PLA2G5: variants seen among roughly 807,000 people sequenced by gnomAD.
PLA2G5 encodes phospholipase A2 group V.
A neutral mutation model predicts 15.9 loss-of-function variants in PLA2G5; 12 were observed. That is an observed-to-expected ratio of 0.76 (90% CI 0.48 to 1.23). PLA2G5 has a LOEUF of 1.23. Among genes scored for constraint, PLA2G5 ranks in the 50% most tolerant of loss-of-function variants. The pLI, the probability that PLA2G5 is intolerant of heterozygous loss-of-function variation, is 0.00. For synonymous variants in PLA2G5, 71 were observed against 71.4 expected (o/e 0.99, Z 0.03); for missense variants, 169 against 177.1 (o/e 0.95, Z 0.26).
intron 1 of PLA2G5, among the ~76,000 whole-genome samples, chr1:20,078,583 C>CGGTG (rs1182418346): frequency 6.6e-6 from 1 of 152,178 alleles, no homozygotes; most frequent in Non-Finnish European, 1.5e-5. Flanking sequence ...TGTGAAGGCA[C>CGGTG]AAGTTCTGTC....
chr1:20,088,828 CT>C (rs1406667419), intron 3 of PLA2G5: 3 of 152,364 alleles, frequency 2.0e-5, no homozygotes, highest in Non-Finnish European at 4.4e-5. Flanking sequence ...GAGACAGGGT[CT>C]CACTCTGGTT....
chr1:20,055,987 T>C (rs2014411843), intron 1 of PLA2G5, among the ~76,000 whole-genome samples: 5 of 152,170 alleles, frequency 3.3e-5, no homozygotes, highest in Admixed American at 3.3e-4. Flanking sequence ...TGGGTAAGTA[T>C]TTTCTGCATC....
At chr1:20,045,463 G>T (rs2013852362) in intron 1 of PLA2G5, among the ~76,000 whole-genome samples, 2 of 152,128 alleles carry the variant, frequency 1.3e-5, no homozygotes, top group Admixed American at 1.3e-4. Flanking sequence ...GTTCGTGACT[G>T]GCACTGGAGT....
chr1:20,046,968 A>T (rs2100379357), intron 1 of PLA2G5, among the ~76,000 whole-genome samples: 1 of 152,304 alleles, frequency 6.6e-6, no homozygotes, highest in East Asian at 1.9e-4. Flanking sequence ...TGTTGTTTTC[A>T]TAGGTAAATG....
chr1:20,083,441 A>G lies in PLA2G5; in HGVS notation c.-10-1380A>G, dbSNP rs994775898. On this transcript the variant is annotated intron_variant, in intron 1 of 4. Transcript: ENST00000375108. ...CGACCGTTCAACTCAGGGACTTGAG[A>G]CAACAGAGCACTGAAGGGGAGAGCC... 1.8e-4 allele frequency among the ~76,000 whole-genome samples: 28 copies of G among 151,802 alleles called. 1 individual carries two copies. The highest frequency in any genetic ancestry group is 6.8e-4 in the African/African-American group (28 of 41,122).
chr1:20,040,905 CT>C (rs1465575615), intron 1 of PLA2G5, among the ~76,000 whole-genome samples: 1 of 152,170 alleles, frequency 6.6e-6, no homozygotes, highest in Non-Finnish European at 1.5e-5. Context: ...TGGAAGCCCC[CT>C]ACCCGCTTCA....
chr1:20,033,165 G>A (rs1396823112), intron 1 of PLA2G5, among the ~76,000 whole-genome samples: 2 of 152,178 alleles, frequency 1.3e-5, no homozygotes, highest in Non-Finnish European at 2.9e-5. Context: ...AGGTAGTATG[G>A]GGCTGGAGAG....
At chr1:20,040,421 C>T (rs191475650) in intron 1 of PLA2G5, among the ~76,000 whole-genome samples, 2 of 152,248 alleles carry the variant, frequency 1.3e-5, no homozygotes, top group East Asian at 1.9e-4. Flanking sequence ...CCAAATTTAT[C>T]TTCTGTCTTT....
intron 1 of PLA2G5, among the ~76,000 whole-genome samples, chr1:20,029,747 C>T (rs574499548): frequency 6.6e-6 from 1 of 152,244 alleles, no homozygotes; most frequent in African/African-American, 2.4e-5. Context: ...TATAGTTAGT[C>T]TGGTGTGTGC....
rs867697827 is a variant in PLA2G5 at position 20,070,413 on chromosome 1, A to G, written c.-63A>G. ...CGGGTCTCCAGGGTCTGCCCAAGGA[A>G]GTTGCTCATGGGAGCAGACCTCTAG... On this transcript the variant is annotated 5_prime_UTR_variant, in exon 1 of 5. Coordinates refer to ENST00000375108, the MANE Select transcript of PLA2G5 (RefSeq NM_000929.3). 1 of 985,410 alleles carries G rather than the reference A, an allele frequency of 1.0e-6. No individual in the cohort carries two copies. 61.0% of individuals were successfully genotyped at this position (985,410 alleles called of 1,614,324 possible). A position where few individuals can be genotyped will look rare whatever the true frequency, so the allele number is the denominator to read the frequency against.
chr1:20,040,197 A>G (rs1166633609), intron 1 of PLA2G5, among the ~76,000 whole-genome samples: 1 of 152,182 alleles, frequency 6.6e-6, no homozygotes, highest in African/African-American at 2.4e-5. Context: ...GTAAAGCTAT[A>G]CTATATGTCC....
chr1:20,088,127 A>G (rs1475757570), intron 3 of PLA2G5, among the ~76,000 whole-genome samples: 1 of 150,424 alleles, frequency 6.6e-6, no homozygotes, highest in Non-Finnish European at 1.5e-5. Flanking sequence ...GGAGGCCAAG[A>G]CAGGTGGATG....
intron 1 of PLA2G5, among the ~76,000 whole-genome samples, chr1:20,078,265 G>A (rs549086867): frequency 6.6e-6 from 1 of 152,320 alleles, no homozygotes; most frequent in South Asian, 2.1e-4. Flanking sequence ...GGCAGTGAAG[G>A]GTTCAGAGTG....
chr1:20,037,779 T>C (rs966464427), intron 1 of PLA2G5, among the ~76,000 whole-genome samples: 1 of 151,816 alleles, frequency 6.6e-6, no homozygotes, highest in African/African-American at 2.4e-5. Flanking sequence ...AGTATTCAGG[T>C]TTTTCAGGCA....
chr1:20,070,712 G>C (rs1384922930), intron 1 of PLA2G5: 1 of 152,828 alleles, frequency 6.5e-6, no homozygotes, highest in East Asian at 1.9e-4. Flanking sequence ...GTTACCGGAA[G>C]GTCATACCTA....
intron 1 of PLA2G5, among the ~76,000 whole-genome samples, chr1:20,038,576 G>A (rs1276593484): frequency 1.3e-5 from 2 of 152,116 alleles, no homozygotes; most frequent in Admixed American, 6.5e-5. Flanking sequence ...GATTGCTTGA[G>A]TCCAGGAGTT....
chr1:20,077,739 A>AT (rs536633800), intron 1 of PLA2G5, among the ~76,000 whole-genome samples: 122 of 152,310 alleles, frequency 8.0e-4, no homozygotes, highest in African/African-American at 2.8e-3. Flanking sequence ...CAAAGAGGAG[A>AT]AAAAGCTGGT....
At chr1:20,052,041 C>T (rs2014201479) in intron 1 of PLA2G5, among the ~76,000 whole-genome samples, 1 of 152,134 alleles carries the variant, frequency 6.6e-6, no homozygotes, top group Non-Finnish European at 1.5e-5. Flanking sequence ...TGCTGCTGCA[C>T]TGTGTACAAA....
At chr1:20,037,755 A>T (rs889966352) in intron 1 of PLA2G5, among the ~76,000 whole-genome samples, 1 of 152,168 alleles carries the variant, frequency 6.6e-6, no homozygotes, top group African/African-American at 2.4e-5. Flanking sequence ...GTTTGCCCTA[A>T]GGTTGCCTAA....
Sources: gnomAD v4.1 joint callset for allele counts (sites outside exome capture counted in the v4.1 genomes callset) on GRCh38, gnomAD v4.1.1 for gene constraint, MANE v1.5 for transcripts, NCBI Gene and HGNC (gene_info 2026-07-23, HGNC 2026-07-21) for gene names.